Variants in ITGB8 observed in about 807,000 individuals in gnomAD.
ITGB8 encodes integrin beta-8.
In ITGB8, 30 loss-of-function variants were observed where a neutral mutation model predicts 89.5. The observed-to-expected ratio is 0.34, with a 90% CI of 0.25 to 0.45. The LOEUF is 0.45. Among genes scored for constraint, ITGB8 ranks in the 20% least tolerant of loss-of-function variants. The pLI, the probability that ITGB8 is intolerant of heterozygous loss-of-function variation, is 1.00. For synonymous variants in ITGB8, 335 were observed against 320.4 expected (o/e 1.05, Z -0.49); for missense variants, 836 against 933.3 (o/e 0.90, Z 1.36).
chr7:20,338,849 G>T (rs1784659542), intron 1 of ITGB8, among the ~76,000 whole-genome samples: 1 of 152,062 alleles, frequency 6.6e-6, no homozygotes, highest in Non-Finnish European at 1.5e-5. Context: ...AGAGTCAAAT[G>T]TATGCATAGT....
At chr7:20,401,119 C>G (rs190781934) in intron 9 of ITGB8, among the ~76,000 whole-genome samples, 2 of 152,206 alleles carry the variant, frequency 1.3e-5, no homozygotes, top group African/African-American at 4.8e-5. Context: ...GCTGAGACTA[C>G]AGGTGCGCGC....
intron 1 of ITGB8, among the ~76,000 whole-genome samples, chr7:20,356,394 T>C (rs983135951): frequency 2.0e-5 from 3 of 152,212 alleles, no homozygotes; most frequent in Non-Finnish European, 4.4e-5. Context: ...TACATGACTA[T>C]GATATGTATA....
intron 1 of ITGB8, among the ~76,000 whole-genome samples, chr7:20,357,911 T>C (rs998482332): frequency 1.3e-5 from 2 of 152,196 alleles, no homozygotes; most frequent in Non-Finnish European, 2.9e-5. Context: ...ATTAAATCTT[T>C]TTCTGATTTC....
chr7:20,336,432 C>T (rs753398155), intron 1 of ITGB8, among the ~76,000 whole-genome samples: 1 of 152,230 alleles, frequency 6.6e-6, no homozygotes, highest in Non-Finnish European at 1.5e-5. Flanking sequence ...GGCAAAGACC[C>T]TAACGCATTC....
chr7:20,378,881 C>T (rs1786261088), intron 3 of ITGB8, among the ~76,000 whole-genome samples, 170 bp from the exon 4 acceptor site: 1 of 151,964 alleles, frequency 6.6e-6, no homozygotes, highest in Non-Finnish European at 1.5e-5. Flanking sequence ...TATAATTATA[C>T]TAGAATAATA....
chr7:20,386,590 A>ACTAATTT (rs1786637175), intron 6 of ITGB8, among the ~76,000 whole-genome samples: 2 of 151,858 alleles, frequency 1.3e-5, no homozygotes, highest in Non-Finnish European at 2.9e-5. Flanking sequence ...TTATAGGAGA[A>ACTAATTT]CTAATTTGAA....
intron 1 of ITGB8, among the ~76,000 whole-genome samples, chr7:20,336,115 C>T (rs974798073): frequency 6.8e-6 from 1 of 147,440 alleles, no homozygotes; most frequent in Non-Finnish European, 1.5e-5. Flanking sequence ...ACACCATTCT[C>T]CTGCCTCAGC....
rs71020629 is a variant in ITGB8 at position 20,360,348 on chromosome 7, A to ATTTTTTTTTTTTTT, written c.128-3276_128-3275insTTTTTTTTTTTTTT. On this transcript the variant is annotated intron_variant, in intron 1 of 13. Transcript: ENST00000222573. ...CCTTCCATGAGACTACAGTCCTTTA[A>ATTTTTTTTTTTTTT]TTTTTTTTTTTTTACTTGAGTAGCG... 2.7e-4 allele frequency among the ~76,000 whole-genome samples: 35 copies of ATTTTTTTTTTTTTT among 127,698 alleles called. 3 individuals are homozygous for ATTTTTTTTTTTTTT. The highest frequency in any genetic ancestry group is 4.2e-3 in the Middle Eastern group (1 of 240). The allele number at this position is 127,698 out of a possible 152,430, so 83.8% of individuals were successfully genotyped here.
chr7:20,410,729 A>G lies in ITGB8; in HGVS notation c.*732A>G, dbSNP rs1197716097. ...TGGATTAATTAAGTGCTAAGTTACT[A>G]CTGCCATAAAAAACTAATAATACAA... On this transcript the variant is annotated 3_prime_UTR_variant, in exon 14 of 14. Transcript: ENST00000222573. The G allele has an allele frequency of 6.6e-6, 1 of 152,632 alleles. No homozygotes were observed. The highest frequency in any genetic ancestry group is 2.4e-5 in the African/African-American group (1 of 41,450). 9.5% of individuals were successfully genotyped at this position (152,632 alleles called of 1,614,324 possible).
intron 1 of ITGB8, among the ~76,000 whole-genome samples, chr7:20,336,020 T>G (rs1784564061): frequency 7.1e-6 from 1 of 140,610 alleles, no homozygotes; most frequent in Admixed American, 7.0e-5. Context: ...TTTTTTTTTT[T>G]TTTGAGACGG....
chr7:20,366,258 C>G (rs1341823068), intron 2 of ITGB8: 2 of 152,152 alleles, frequency 1.3e-5, no homozygotes, highest in African/African-American at 4.8e-5. Context: ...AGTGAGAGTT[C>G]AGAGCGTAGG....
At chr7:20,409,553 G>C in intron 12 of ITGB8, 62 bp from the exon 13 acceptor site, 1 of 1,119,088 alleles carries the variant, frequency 8.9e-7, no homozygotes, top group South Asian at 1.5e-5. Flanking sequence ...TTATTTACTT[G>C]ATAGACTCTT....
At chr7:20,358,790 A>C (rs1041401752) in intron 1 of ITGB8, among the ~76,000 whole-genome samples, 2 of 152,142 alleles carry the variant, frequency 1.3e-5, no homozygotes, top group Admixed American at 1.3e-4. Flanking sequence ...GCTGAGGTTT[A>C]GGGTACTAAT....
intron 6 of ITGB8, among the ~76,000 whole-genome samples, chr7:20,390,609 G>C (rs775251842): frequency 1.3e-5 from 2 of 151,942 alleles, no homozygotes; most frequent in Non-Finnish European, 2.9e-5. Flanking sequence ...CAAAAATATT[G>C]AGCATAATGA....
intron 12 of ITGB8, among the ~76,000 whole-genome samples, chr7:20,406,482 G>T (rs376483828): frequency 3.9e-5 from 6 of 151,936 alleles, no homozygotes; most frequent in Non-Finnish European, 7.4e-5. Context: ...TCCGGGAGGC[G>T]GAGGTTGCAA....
chr7:20,346,232 G>C (rs1474610080), intron 1 of ITGB8, among the ~76,000 whole-genome samples: 1 of 152,160 alleles, frequency 6.6e-6, no homozygotes, highest in Non-Finnish European at 1.5e-5. Flanking sequence ...GGGAAGACAA[G>C]TTCTCAGGGG....
chr7:20,332,459 G>T (rs1045171562), intron 1 of ITGB8, among the ~76,000 whole-genome samples: 1 of 151,614 alleles, frequency 6.6e-6, no homozygotes, highest in Admixed American at 6.6e-5. Context: ...ACACTGGAGG[G>T]ATATTAATGC....
chr7:20,366,542 A>T (rs184607193), intron 2 of ITGB8: 3 of 153,808 alleles, frequency 2.0e-5, no homozygotes, highest in East Asian at 1.9e-4. Flanking sequence ...AGGCAGGCAG[A>T]TCACCTAAGG....
intron 1 of ITGB8, chr7:20,352,470 C>T (rs992470026): frequency 6.6e-6 from 1 of 152,178 alleles, no homozygotes; most frequent in Non-Finnish European, 1.5e-5. Context: ...ACTGAAAAAT[C>T]AGTTTCAAAC....
Sources: allele counts gnomAD v4.1 joint callset (sites outside exome capture counted in the v4.1 genomes callset), GRCh38; gene constraint gnomAD v4.1.1; transcripts MANE v1.5; gene names NCBI Gene and HGNC (gene_info 2026-07-23, HGNC 2026-07-21).